IL1R1: variants seen among roughly 807,000 people sequenced by gnomAD.
The protein encoded by IL1R1 is interleukin 1 receptor type 1, also known as interleukin-1 receptor type 1.
IL1R1 carries 22 observed loss-of-function variants against 50.2 expected under a neutral mutation model. The ratio of observed to expected loss-of-function variants is 0.44; its 90% CI spans 0.31 to 0.63. IL1R1 has a LOEUF of 0.63. Among genes scored for constraint, IL1R1 ranks in the 20% least tolerant of loss-of-function variants. The probability of loss-of-function intolerance (pLI) is 0.07; values close to 1 mark genes in which losing one functional copy is unlikely to be tolerated. For missense variants in IL1R1, 509 were observed against 676.2 expected (o/e 0.75, Z 2.74); for synonymous variants, 251 against 236.7 (o/e 1.06, Z -0.55).
intron 1 of IL1R1, among the ~76,000 whole-genome samples, chr2:102,086,170 G>A (rs544287437): frequency 1.3e-5 from 2 of 152,274 alleles, no homozygotes; most frequent in South Asian, 4.1e-4. Flanking sequence ...CATGCCATCT[G>A]CAAATAATGG....
At chr2:102,123,417 A>G (rs934128947) in intron 1 of IL1R1, among the ~76,000 whole-genome samples, 40 of 152,348 alleles carry the variant, frequency 2.6e-4, no homozygotes, top group African/African-American at 9.1e-4. Flanking sequence ...AGCATTTACC[A>G]TAAATATTAA....
chr2:102,111,936 T>G (rs1265628523), intron 1 of IL1R1, among the ~76,000 whole-genome samples: 1 of 152,108 alleles, frequency 6.6e-6, no homozygotes, highest in East Asian at 1.9e-4. Context: ...GAACTGGAAC[T>G]TTTCCTCCCA....
chr2:102,142,668 C>G (rs1280848811), upstream of IL1R1: 2 of 151,514 alleles, frequency 1.3e-5, no homozygotes, highest in African/African-American at 4.8e-5. Context: ...TCGCAGCCCG[C>G]GGACTGGCCC....
upstream of IL1R1, among the ~76,000 whole-genome samples, chr2:102,140,246 G>A (rs967871079): frequency 6.6e-6 from 1 of 152,198 alleles, no homozygotes. Context: ...CTTTCAAAAT[G>A]TCCTGCCACA....
intron 1 of IL1R1, among the ~76,000 whole-genome samples, chr2:102,107,892 A>C (rs1680510824): frequency 6.6e-6 from 1 of 152,140 alleles, no homozygotes; most frequent in Admixed American, 6.5e-5. Flanking sequence ...GAGCGAGAGA[A>C]CTGGATGCTT....
intron 1 of IL1R1, among the ~76,000 whole-genome samples, chr2:102,116,264 G>C (rs1577882134): frequency 6.6e-6 from 1 of 152,302 alleles, no homozygotes; most frequent in South Asian, 2.1e-4. Context: ...GGCTTTTCTT[G>C]TTCCCCCACG....
chr2:102,108,963 T>C (rs950347345), intron 1 of IL1R1, among the ~76,000 whole-genome samples: 1 of 148,668 alleles, frequency 6.7e-6, no homozygotes, highest in Admixed American at 6.7e-5. Flanking sequence ...ATAATAATAA[T>C]AATAATAATA....
At chr2:102,148,441 G>C (rs930014197) in intron 1 of IL1R1, among the ~76,000 whole-genome samples, 2 of 152,192 alleles carry the variant, frequency 1.3e-5, no homozygotes, top group African/African-American at 4.8e-5. Flanking sequence ...TTACCTCCCA[G>C]GGATTCCTTC....
chr2:102,127,330 G>C (rs1191253161), intron 1 of IL1R1, among the ~76,000 whole-genome samples: 4 of 152,186 alleles, frequency 2.6e-5, no homozygotes, highest in Non-Finnish European at 5.9e-5. Flanking sequence ...AGTTGAGGGA[G>C]AGAAGAGAAA....
chr2:102,106,965 T>G (rs1480990818), intron 1 of IL1R1, among the ~76,000 whole-genome samples: 1 of 152,170 alleles, frequency 6.6e-6, no homozygotes, highest in East Asian at 1.9e-4. Context: ...ATCTCCTTGA[T>G]GCAAAGGTTA....
intron 1 of IL1R1, among the ~76,000 whole-genome samples, chr2:102,085,502 T>G (rs1679394331): frequency 6.6e-6 from 1 of 152,108 alleles, no homozygotes; most frequent in Non-Finnish European, 1.5e-5. Flanking sequence ...TTCAGTGGCG[T>G]GTTGGGCATA....
intron 1 of IL1R1, among the ~76,000 whole-genome samples, chr2:102,125,151 C>T (rs1406705838): frequency 1.3e-5 from 2 of 152,210 alleles, no homozygotes; most frequent in Non-Finnish European, 1.5e-5. Context: ...GGCTACCACA[C>T]AACCGTCTAG....
chr2:102,077,887 C>T (rs560589900), intron 1 of IL1R1, among the ~76,000 whole-genome samples: 53 of 151,538 alleles, frequency 3.5e-4, no homozygotes, highest in Non-Finnish European at 5.6e-4. Context: ...CTGATCACAA[C>T]GAAATGAAAT....
At chr2:102,148,851 T>C (rs1683383877) in intron 1 of IL1R1, among the ~76,000 whole-genome samples, 1 of 152,176 alleles carries the variant, frequency 6.6e-6, no homozygotes, top group Non-Finnish European at 1.5e-5. Flanking sequence ...GTATGAATCT[T>C]ATAACAAAGG....
rs138456020 is a variant in IL1R1 at position 102,105,250 on chromosome 2, A to G, written c.-84+378A>G. Among the ~76,000 whole-genome samples the G allele has an allele frequency of 3.9e-5, 6 of 152,362 alleles. No homozygotes were observed. The East Asian group carries it at 1.2e-3, about 29-fold the overall frequency. On this transcript the variant is annotated intron_variant, in intron 1 of 10. Transcript: ENST00000409329. The stretch of plus-strand genomic sequence containing the variant: ...GGTGTTGTAAATGAAGTCGTTTTAT[A>G]AGACTGTTGTTACTGTAAGAATTGA...
chr2:102,170,876 G>C (rs1234068577), intron 7 of IL1R1, among the ~76,000 whole-genome samples: 1 of 152,112 alleles, frequency 6.6e-6, no homozygotes, highest in African/African-American at 2.4e-5. Flanking sequence ...GCCTGGCCAA[G>C]ATGTTGAAAC....
At chr2:102,127,223 A>G (rs915204459) in intron 1 of IL1R1, among the ~76,000 whole-genome samples, 4 of 152,234 alleles carry the variant, frequency 2.6e-5, no homozygotes, top group African/African-American at 9.7e-5. Context: ...AGGATCCAGG[A>G]CAGGTTGTCC....
At chr2:102,095,470 T>G (rs1335998489) in intron 1 of IL1R1, among the ~76,000 whole-genome samples, 1 of 152,184 alleles carries the variant, frequency 6.6e-6, no homozygotes, top group Non-Finnish European at 1.5e-5. Context: ...ACTGGAAAAT[T>G]TCAGAGAATA....
chr2:102,110,949 C>T (rs1206014472), intron 1 of IL1R1, among the ~76,000 whole-genome samples: 1 of 151,956 alleles, frequency 6.6e-6, no homozygotes, highest in Non-Finnish European at 1.5e-5. Context: ...TGGGACGGCT[C>T]GAGGTGGAGT....
Sources: gnomAD v4.1 joint callset for allele counts (sites outside exome capture counted in the v4.1 genomes callset) on GRCh38, gnomAD v4.1.1 for gene constraint, MANE v1.5 for transcripts, NCBI Gene and HGNC (gene_info 2026-07-23, HGNC 2026-07-21) for gene names.